The following ZNF264 variants were observed in gnomAD, a reference collection of about 807,000 sequenced individuals.
The protein encoded by ZNF264 is zinc finger protein 264.
ZNF264 carries 11 observed loss-of-function variants against 11.2 expected under a neutral mutation model. The ratio of observed to expected loss-of-function variants is 0.98; its 90% CI spans 0.62 to 1.63. ZNF264 has a LOEUF of 1.63. Among genes scored for constraint, ZNF264 ranks in the 40% most tolerant of loss-of-function variants. The probability of loss-of-function intolerance (pLI) is 0.00; values close to 1 mark genes in which losing one functional copy is unlikely to be tolerated. For missense variants in ZNF264, 752 were observed against 768.1 expected (o/e 0.98, Z 0.25); for synonymous variants, 309 against 279.8 (o/e 1.10, Z -1.04).
rs1046435153 is a variant in ZNF264 at position 57,215,249 on chromosome 19, C to G, written c.*2268C>G. 5 of 152,140 alleles carry G rather than the reference C, an allele frequency of 3.3e-5. No homozygotes were observed. Among genetic ancestry groups the G allele is most frequent in the African/African-American group, 1.2e-4 (5 of 41,436 alleles). The allele number at this position is 152,140 out of a possible 1,614,324, so 9.4% of individuals were successfully genotyped here. ...TATTTATTTTATTGGATAGGTAGAA[C>G]TATTCGAAGTATCTATTTCTTGTGT... On this transcript the variant is annotated 3_prime_UTR_variant, in exon 4 of 4. Coordinates refer to ENST00000263095, the MANE Select transcript of ZNF264 (RefSeq NM_003417.5).
At position 57,213,913 on chromosome 19, in the gene ZNF264, T is replaced by A. The variant is rs903342235; in HGVS notation, c.*932T>A. 1 of 152,218 alleles carries A rather than the reference T, an allele frequency of 6.6e-6. No individual in the cohort carries two copies. The highest frequency in any genetic ancestry group is 1.9e-4 in the East Asian group (1 of 5,202). The allele number at this position is 152,218 out of a possible 1,614,324, so 9.4% of individuals were successfully genotyped here. The stretch of plus-strand genomic sequence containing the variant: ...TCATTAATGTTAAAAATTTTCAGCG[T>A]ATAGATCCCTATGCATTTTTGTTAG... On this transcript the variant is annotated 3_prime_UTR_variant, in exon 4 of 4. Transcript: ENST00000263095.
At chr19:57,194,258 AT>A (rs1338188634) in intron 2 of ZNF264, 3 of 482,684 alleles carry the variant, frequency 6.2e-6, no homozygotes, top group Non-Finnish European at 1.1e-5. Flanking sequence ...CTCAAAGGTA[AT>A]TTTCAGCTGT....
chr19:57,211,260 A>G, intron 3 of ZNF264, 94 bp from the exon 4 acceptor site: 5 of 1,270,196 alleles, frequency 3.9e-6, no homozygotes, highest in Non-Finnish European at 5.3e-6. Context: ...CAGAGGCAAT[A>G]TTTTTATCTA....
chr19:57,196,392 G>A (rs1215003847), intron 2 of ZNF264, among the ~76,000 whole-genome samples: 1 of 151,974 alleles, frequency 6.6e-6, no homozygotes, highest in African/African-American at 2.4e-5. Context: ...CCCTTTCCAT[G>A]ATGGAAGAGG....
At position 57,213,210 on chromosome 19, in the gene ZNF264, A is replaced by G. The variant is rs2087354819; in HGVS notation, c.*229A>G. 2 of 423,120 alleles carry G rather than the reference A, an allele frequency of 4.7e-6. No individual in the cohort carries two copies. The highest frequency in any genetic ancestry group is 8.3e-6 in the Non-Finnish European group (2 of 239,970). 26.2% of individuals were successfully genotyped at this position (423,120 alleles called of 1,614,324 possible). ...GGGGACATAGAAAAAATGAAATGCAAGCACACATCTTTTCAGGCTTCTCTG... is the reference window on the plus strand; with the variant it reads ...GGGGACATAGAAAAAATGAAATGCAGGCACACATCTTTTCAGGCTTCTCTG... On this transcript the variant is annotated 3_prime_UTR_variant, in exon 4 of 4. Transcript: ENST00000263095.
At chr19:57,208,602 A>G (rs1306806749) in intron 3 of ZNF264, among the ~76,000 whole-genome samples, 3 of 152,314 alleles carry the variant, frequency 2.0e-5, no homozygotes, top group African/African-American at 4.8e-5. Context: ...AAAAAAAATT[A>G]ATAATAATTT....
chr19:57,193,440 G>A (rs1436724815), intron 1 of ZNF264: 1 of 955,550 alleles, frequency 1.0e-6, no homozygotes, highest in East Asian at 1.2e-4. Flanking sequence ...TCAAGTGTCA[G>A]TTTCAAGTGT....
Position 57,215,441 on chromosome 19 carries a change from G to C in ZNF264, c.*2460G>C, listed in dbSNP as rs970154756. The C allele has an allele frequency of 1.3e-5, 2 of 151,844 alleles. No homozygotes were observed. The highest frequency in any genetic ancestry group is 4.8e-5 in the African/African-American group (2 of 41,338). The allele number at this position is 151,844 out of a possible 1,614,324, so 9.4% of individuals were successfully genotyped here. A position where few individuals can be genotyped will look rare whatever the true frequency, so the allele number is the denominator to read the frequency against. On this transcript the variant is annotated 3_prime_UTR_variant, in exon 4 of 4. Coordinates refer to ENST00000263095, the MANE Select transcript of ZNF264 (RefSeq NM_003417.5). ...CTTAGACATTTATCAGTTTTATTGC[G>C]CATCATGCTGAAAGATGTAATTTTT...
chr19:57,211,280 A>G (rs2087332885), intron 3 of ZNF264, 74 bp from the exon 4 acceptor site: 3 of 1,373,986 alleles, frequency 2.2e-6, no homozygotes, highest in Admixed American at 5.3e-5. Context: ...ATGGTTTTTC[A>G]CAGAAATGGT....
At chr19:57,199,923 T>G (rs888146186) in intron 2 of ZNF264, among the ~76,000 whole-genome samples, 2 of 151,544 alleles carry the variant, frequency 1.3e-5, no homozygotes, top group Non-Finnish European at 2.9e-5. Context: ...GATGGCAGCA[T>G]GGGTCGGGGA....
At chr19:57,209,318 A>G (rs1393198305) in intron 3 of ZNF264, among the ~76,000 whole-genome samples, 2 of 152,136 alleles carry the variant, frequency 1.3e-5, no homozygotes, top group African/African-American at 2.4e-5. Context: ...TTGATTTGGA[A>G]TATATAGTGT....
At position 57,216,942 on chromosome 19, in the gene ZNF264, A is replaced by G. The variant is rs2087384452; in HGVS notation, c.*3961A>G. 1 of 151,312 alleles carries G rather than the reference A, an allele frequency of 6.6e-6. No homozygotes were observed. The highest frequency in any genetic ancestry group is 1.9e-4 in the East Asian group (1 of 5,150). 9.4% of individuals were successfully genotyped at this position (151,312 alleles called of 1,614,324 possible). ...ATCCTCCTTGACTTATGATGGGGTT[A>G]TGTCACAATAAACCCATTGCAAGTT... On this transcript the variant is annotated 3_prime_UTR_variant, in exon 4 of 4. Transcript: ENST00000263095.
At position 57,213,100 on chromosome 19, in the gene ZNF264, T is replaced by TG; in HGVS notation, c.*120dup. On this transcript the variant is annotated 3_prime_UTR_variant, in exon 4 of 4. Coordinates refer to ENST00000263095, the MANE Select transcript of ZNF264 (RefSeq NM_003417.5). ...TCCTGGAGAGAGACCCAGTGGTTATTGTGCACATAGGAGAACCTTCAGCTG... is the reference window on the plus strand; with the variant it reads ...TCCTGGAGAGAGACCCAGTGGTTATTGGTGCACATAGGAGAACCTTCAGCTG... The TG allele has an allele frequency of 9.9e-7, 1 of 1,008,772 alleles. No individual in the cohort carries two copies. The allele number at this position is 1,008,772 out of a possible 1,614,324, so 62.5% of individuals were successfully genotyped here.
In ZNF264 at chr19:57,218,551, C is replaced by T. The variant is rs952934977; in HGVS notation, c.*5570C>T. 6.6e-6 allele frequency: 1 copy of T among 152,154 alleles called. No individual in the cohort carries two copies. The highest frequency in any genetic ancestry group is 1.5e-5 in the Non-Finnish European group (1 of 68,034). 9.4% of individuals were successfully genotyped at this position (152,154 alleles called of 1,614,324 possible). ...GGGGAACTTTCAACTATTATTTCTT[C>T]AAATATTTTTTCACCCCCCAGTCTT... On this transcript the variant is annotated 3_prime_UTR_variant, in exon 4 of 4. Coordinates refer to ENST00000263095, the MANE Select transcript of ZNF264 (RefSeq NM_003417.5).
chr19:57,196,034 G>A (rs1196375769), intron 2 of ZNF264, among the ~76,000 whole-genome samples: 1 of 151,826 alleles, frequency 6.6e-6, no homozygotes. Flanking sequence ...TGCTAATTCA[G>A]AGCATACATG....
Position 57,211,910 on chromosome 19 carries a change from G to A in ZNF264, c.813G>A (p.Lys271=), listed in dbSNP as rs146985967. The change falls in exon 4 of 4, where the codon AAG becomes AAA. Residue 271 remains lysine (K), a synonymous_variant. Transcript: ENST00000263095. ...AGTGTGGAAAGGCCTTCAACCGCAA[G>A]TCATACCTTACCCAGCACCAGCGGA... ...CMECGKAFNR[K]SYLTQHQRIH... The A allele has an allele frequency of 6.0e-4, 964 of 1,613,280 alleles. 2 individuals carry two copies. The highest frequency in any genetic ancestry group is 6.7e-4 in the Non-Finnish European group (785 of 1,179,852).
chr19:57,221,958 T>C lies in ZNF264; in HGVS notation c.*8977T>C, dbSNP rs2087420496. 2 of 152,164 alleles carry C rather than the reference T, an allele frequency of 1.3e-5. No homozygotes were observed. Among genetic ancestry groups the C allele is most frequent in the Admixed American group, 6.5e-5 (1 of 15,270 alleles). 9.4% of individuals were successfully genotyped at this position (152,164 alleles called of 1,614,324 possible). A position where few individuals can be genotyped will look rare whatever the true frequency, so the allele number is the denominator to read the frequency against. Reference sequence around the variant, plus strand: ...CTGTTTTATACAGTGACTTAAGTGGTACTAAAATGCTATATAAGTCAAATT... The same window carrying C: ...CTGTTTTATACAGTGACTTAAGTGGCACTAAAATGCTATATAAGTCAAATT... On this transcript the variant is annotated 3_prime_UTR_variant, in exon 4 of 4. Coordinates refer to ENST00000263095, the MANE Select transcript of ZNF264 (RefSeq NM_003417.5).
chr19:57,213,043 G>GTC lies in ZNF264; in HGVS notation c.*64_*65dup. 1.3e-6 allele frequency: 2 copies of GTC among 1,487,682 alleles called. No individual in the cohort carries two copies. The highest frequency in any genetic ancestry group is 1.8e-6 in the Non-Finnish European group (2 of 1,104,244). The allele number at this position is 1,487,682 out of a possible 1,614,324, so 92.2% of individuals were successfully genotyped here. A position where few individuals can be genotyped will look rare whatever the true frequency, so the allele number is the denominator to read the frequency against. On this transcript the variant is annotated 3_prime_UTR_variant, in exon 4 of 4. Transcript: ENST00000263095. ...AAGAGTCATATTAGAAATTCGTTCA[G>GTC]TCTAGAGCCTTATTCTCCATCTGAT...
rs1332958195 is a variant in ZNF264, at chr19:57,214,710, A to G, written c.*1729A>G. ...GTTTTATAAAACATATGTCCTCTAT[A>G]AGGGTAAAAAATTTCCTCTGTTCCC... On this transcript the variant is annotated 3_prime_UTR_variant, in exon 4 of 4. Coordinates refer to ENST00000263095, the MANE Select transcript of ZNF264 (RefSeq NM_003417.5). 1 of 152,166 alleles carries G rather than the reference A, an allele frequency of 6.6e-6. No individual in the cohort carries two copies. Among genetic ancestry groups the G allele is most frequent in the Non-Finnish European group, 1.5e-5 (1 of 68,026 alleles). The allele number at this position is 152,166 out of a possible 1,614,324, so 9.4% of individuals were successfully genotyped here. A position where few individuals can be genotyped will look rare whatever the true frequency, so the allele number is the denominator to read the frequency against.
Sources: allele counts gnomAD v4.1 joint callset (sites outside exome capture counted in the v4.1 genomes callset), GRCh38; gene constraint gnomAD v4.1.1; transcripts MANE v1.5; gene names NCBI Gene and HGNC (gene_info 2026-07-23, HGNC 2026-07-21).